GDAP1: variants seen among roughly 807,000 people sequenced by gnomAD.
The protein encoded by GDAP1 is ganglioside-induced differentiation-associated protein 1.
GDAP1 carries 34 observed loss-of-function variants against 40.1 expected under a neutral mutation model. The ratio of observed to expected loss-of-function variants is 0.85; its 90% CI spans 0.64 to 1.13. The LOEUF (loss-of-function observed/expected upper bound fraction) is 1.13, where lower values mean the gene tolerates loss of function less well. Ranked by LOEUF, GDAP1 falls within the 50% of genes most tolerant of loss-of-function variation. The pLI, the probability that GDAP1 is intolerant of heterozygous loss-of-function variation, is 0.00. For synonymous variants in GDAP1, 170 were observed against 157.4 expected (o/e 1.08, Z -0.60); for missense variants, 374 against 433.7 (o/e 0.86, Z 1.22).
intron 2 of GDAP1, among the ~76,000 whole-genome samples, chr8:74,392,461 G>A (rs1317642444): frequency 2.0e-5 from 3 of 151,792 alleles, no homozygotes; most frequent in African/African-American, 7.3e-5. Flanking sequence ...GGCCTATGCT[G>A]ATCTCAGTGG....
At chr8:74,363,685 T>G (rs1344057812) in intron 5 of GDAP1, among the ~76,000 whole-genome samples, 1 of 152,190 alleles carries the variant, frequency 6.6e-6, no homozygotes, top group Non-Finnish European at 1.5e-5. Context: ...GCTTGGAGGC[T>G]CCCAACCCCT....
intron 2 of GDAP1, among the ~76,000 whole-genome samples, chr8:74,478,534 C>A (rs1182574705): frequency 1.3e-5 from 2 of 152,058 alleles, no homozygotes; most frequent in African/African-American, 4.8e-5. Flanking sequence ...AAGCTGGGGC[C>A]CCAGGAGATG....
At chr8:74,460,050 T>C (rs12550329) in intron 2 of GDAP1, among the ~76,000 whole-genome samples, 44,799 of 152,028 alleles carry the variant, frequency 0.29, 8,079 homozygotes, top group Non-Finnish European at 0.38. Flanking sequence ...ATCTAGTCTT[T>C]AATAAGGATA....
At position 74,366,520 on chromosome 8, in the gene GDAP1, AAT is replaced by A. The variant is rs1162208623; in HGVS notation, c.*2155_*2156del. On this transcript the variant is annotated 3_prime_UTR_variant, in exon 6 of 6. Transcript: ENST00000220822. ...CTAGAGTTAAACACAGTATTAGCTA[AAT>A]AGGCACTTATGTGTATTTTCTTTTT... 1 of 454,302 alleles carries A rather than the reference AAT, an allele frequency of 2.2e-6. No homozygotes were observed. Among genetic ancestry groups the A allele is most frequent in the South Asian group, 1.6e-5 (1 of 64,466 alleles). The allele number at this position is 454,302 out of a possible 1,614,324, so 28.1% of individuals were successfully genotyped here.
chr8:74,463,364 A>T (rs777859941), intron 2 of GDAP1, among the ~76,000 whole-genome samples: 1 of 150,168 alleles, frequency 6.7e-6, no homozygotes, highest in African/African-American at 2.5e-5. Flanking sequence ...AGGGTGATAT[A>T]TGAGGATTGC....
Position 74,471,446 on chromosome 8 carries a change from CTTT to C in GDAP1, c.166-17224_166-17222del, listed in dbSNP as rs11306112. ...GTTTTCTAAATCAGAGTAAATTTTC[CTTT>C]TTTTTTTAAAAAAAATAATTCCTTC... On this transcript the variant is annotated intron_variant, in intron 2 of 2. Transcript: ENST00000523640. Among the ~76,000 whole-genome samples, 742 of 150,020 alleles carry C rather than the reference CTTT, an allele frequency of 4.9e-3. 5 individuals carry two copies. Among genetic ancestry groups the C allele is most frequent in the African/African-American group, 0.011 (439 of 41,184 alleles).
Position 74,407,770 on chromosome 8 carries a change from T to C in GDAP1, c.165+56449T>C, listed in dbSNP as rs139413021. Among the ~76,000 whole-genome samples, 334 of 150,176 alleles carry C rather than the reference T, an allele frequency of 2.2e-3. 30 individuals are homozygous for C. The highest frequency in any genetic ancestry group is 7.8e-3 in the African/African-American group (306 of 39,482). On this transcript the variant is annotated intron_variant, in intron 2 of 2. Coordinates refer to the GDAP1 transcript ENST00000523640. ...AATTGTGGTTCTTAGGGAGCAGTAT[T>C]AGTTTTGAGGACAAGTCCTCTGGCA...
intron 2 of GDAP1, among the ~76,000 whole-genome samples, chr8:74,446,545 A>G (rs1806229393): frequency 6.6e-6 from 1 of 152,206 alleles, no homozygotes; most frequent in South Asian, 2.1e-4. Flanking sequence ...GAAATTGAGT[A>G]TCTGTTTTAC....
At chr8:74,418,233 A>G (rs780348957) in intron 2 of GDAP1, among the ~76,000 whole-genome samples, 2 of 152,244 alleles carry the variant, frequency 1.3e-5, no homozygotes, top group African/African-American at 2.4e-5. Context: ...AGCCAAAACA[A>G]TTGGCTAAAG....
chr8:74,415,536 C>T (rs1355652253), intron 2 of GDAP1, among the ~76,000 whole-genome samples: 3 of 150,102 alleles, frequency 2.0e-5, no homozygotes, highest in Non-Finnish European at 4.4e-5. Context: ...AGGCAGAAAA[C>T]TGTAAGTCCA....
intron 2 of GDAP1, among the ~76,000 whole-genome samples, chr8:74,449,245 T>C (rs1191415915): frequency 6.6e-6 from 1 of 151,954 alleles, no homozygotes; most frequent in Non-Finnish European, 1.5e-5. Flanking sequence ...TTGATTACTA[T>C]AGCTGAAAAG....
Position 74,364,327 on chromosome 8 carries a change from G to C in GDAP1, c.1037G>C (p.Ser346Thr), listed in dbSNP as rs1380854548. Residue 346 changes from serine to threonine, a missense_variant, in exon 6 of 6, where the codon AGC (serine) becomes ACC (threonine). Coordinates refer to ENST00000220822, the MANE Select transcript of GDAP1 (RefSeq NM_018972.4). ...ATGCTTTTCAGAAAGAGGCTTGGCAGCATGATATTAGCATTTAGACCCAGA... is the reference window on the plus strand; with the variant it reads ...ATGCTTTTCAGAAAGAGGCTTGGCACCATGATATTAGCATTTAGACCCAGA... The part of the protein sequence containing the change: ...AFMLFRKRLG[S>T]MILAFRPRPN... 1 of 1,614,024 alleles carries C rather than the reference G, an allele frequency of 6.2e-7. No homozygotes were observed. The highest frequency in any genetic ancestry group is 8.5e-7 in the Non-Finnish European group (1 of 1,179,920).
chr8:74,368,056 C>T (rs975166928), downstream of GDAP1, among the ~76,000 whole-genome samples: 2 of 152,168 alleles, frequency 1.3e-5, no homozygotes, highest in African/African-American at 4.8e-5. Context: ...GGAAAGTTAA[C>T]AAGTTTTTGT....
intron 4 of GDAP1, 110 bp downstream of exon 4, chr8:74,362,088 C>A: frequency 1.4e-6 from 1 of 712,806 alleles, no homozygotes; most frequent in Non-Finnish European, 2.5e-6. Flanking sequence ...TTGCAGTTCA[C>A]CAGTACACAT....
intron 2 of GDAP1, among the ~76,000 whole-genome samples, chr8:74,481,646 G>T (rs1806712232): frequency 6.6e-6 from 1 of 152,220 alleles, no homozygotes; most frequent in South Asian, 2.1e-4. Flanking sequence ...CTTTGTTTTG[G>T]TCTGACTGGA....
chr8:74,431,338 G>A (rs934503751), intron 2 of GDAP1, among the ~76,000 whole-genome samples: 1 of 151,896 alleles, frequency 6.6e-6, no homozygotes, highest in African/African-American at 2.4e-5. Context: ...TGTAAATGAT[G>A]CTATGTCTGG....
At chr8:74,404,931 A>G (rs1805618062) in intron 2 of GDAP1, among the ~76,000 whole-genome samples, 1 of 149,926 alleles carries the variant, frequency 6.7e-6, no homozygotes, top group Admixed American at 6.6e-5. Flanking sequence ...ATCCATGCAT[A>G]TCCTCCTGTA....
intron 2 of GDAP1, among the ~76,000 whole-genome samples, chr8:74,460,243 T>C (rs182922326): frequency 6.6e-6 from 1 of 152,238 alleles, no homozygotes; most frequent in African/African-American, 2.4e-5. Flanking sequence ...GTTCCTTAAA[T>C]TGTATGTGTC....
chr8:74,415,153 AAG>A (rs1805762621), intron 2 of GDAP1, among the ~76,000 whole-genome samples: 1 of 150,146 alleles, frequency 6.7e-6, no homozygotes, highest in African/African-American at 2.5e-5. Flanking sequence ...GAATTGCTTT[AAG>A]AGAGTTAGTT....
Sources: gnomAD v4.1 joint callset for allele counts (sites outside exome capture counted in the v4.1 genomes callset) on GRCh38, gnomAD v4.1.1 for gene constraint, MANE v1.5 for transcripts, NCBI Gene and HGNC (gene_info 2026-07-23, HGNC 2026-07-21) for gene names.